The following ETFDH variants were observed in gnomAD, a reference collection of about 807,000 sequenced individuals.
The protein encoded by ETFDH is electron transfer flavoprotein dehydrogenase, also known as electron transfer flavoprotein-ubiquinone oxidoreductase, mitochondrial.
Under a neutral mutation model 73.2 loss-of-function variants are expected in ETFDH, and 61 were observed. The ratio of observed to expected loss-of-function variants is 0.83; its 90% CI spans 0.68 to 1.03. The LOEUF (loss-of-function observed/expected upper bound fraction) is 1.03, where lower values mean the gene tolerates loss of function less well. Ranked by LOEUF, ETFDH falls within the 50% of genes least tolerant of loss-of-function variation. The pLI is 0.00. For missense variants in ETFDH, 685 were observed against 745.0 expected, an observed-to-expected ratio of 0.92 and a Z score of 0.94; for synonymous variants, 243 against 253.3, an observed-to-expected ratio of 0.96 and a Z score of 0.39.
In ETFDH at chr4:158,682,193, A is replaced by T. The variant is rs1485038306; in HGVS notation, c.176-2A>T. 8 of 1,613,722 alleles carry T rather than the reference A, an allele frequency of 5.0e-6. No homozygotes were observed. Among genetic ancestry groups the T allele is most frequent in the South Asian group, 1.1e-5 (1 of 91,088 alleles). On this transcript the variant is annotated splice_acceptor_variant, in intron 2 of 12. Coordinates refer to ENST00000511912, the MANE Select transcript of ETFDH (RefSeq NM_004453.4). LOFTEE classifies it high-confidence loss of function. ...TAATCCCAGAATTTTTATTTCTCCC[A>T]GGAGTGAACATGGAAAGGTTTGCAG...
At chr4:158,675,788 CAGCT>C (rs1307272245) in intron 1 of ETFDH, among the ~76,000 whole-genome samples, 1 of 148,980 alleles carries the variant, frequency 6.7e-6, no homozygotes, top group African/African-American at 2.5e-5. Context: ...AAAAAAAAGT[CAGCT>C]AGGAACATTC....
intron 6 of ETFDH, among the ~76,000 whole-genome samples, chr4:158,693,262 G>C (rs1774224745): frequency 6.6e-6 from 1 of 152,156 alleles, no homozygotes; most frequent in Non-Finnish European, 1.5e-5. Context: ...GTTGGATTAT[G>C]TTTTCCTTCT....
rs1561252743 is a variant in ETFDH, at chr4:158,708,446, A to G, written c.1773A>G (p.Thr591=). The change falls in exon 13 of 13, where the codon ACA becomes ACG. Residue 591 remains threonine (T), a synonymous_variant. Transcript: ENST00000511912. ...INAQNCVHCK[T]CDIKDPSQNI... The stretch of plus-strand genomic sequence containing the variant: ...CTCAGAACTGTGTACATTGTAAAAC[A>G]TGTGATATTAAAGATCCAAGTCAGA... 3 of 1,611,646 alleles carry G rather than the reference A, an allele frequency of 1.9e-6. No homozygotes were observed. The highest frequency in any genetic ancestry group is 2.5e-6 in the Non-Finnish European group (3 of 1,177,728).
chr4:158,684,952 C>T, intron 4 of ETFDH, 149 bp from the exon 5 acceptor site: 2 of 639,418 alleles, frequency 3.1e-6, no homozygotes, highest in African/African-American at 3.7e-5. Context: ...GAACTCTAGA[C>T]CAAAATTGTA....
Position 158,703,502 on chromosome 4 carries a change from G to A in ETFDH, c.1196G>A (p.Gly399Asp). ...TTTATGAATGTTCCCAAGATCAAAG[G>A]TACTCACACAGCAATGAAAAGTGGA... ...PGFMNVPKIK[G>D]THTAMKSGIL... Residue 399 changes from glycine to aspartate, a missense_variant, in exon 10 of 13, where the codon GGT becomes GAT. Gly to Asp is a moderately conservative substitution (Grantham distance 94). This residue lies in a region of ETFDH where 79 missense variants were observed against 120.5 expected (regional missense o/e 0.66). Coordinates refer to ENST00000511912, the MANE Select transcript of ETFDH (RefSeq NM_004453.4). 1 of 1,607,298 alleles carries A rather than the reference G, an allele frequency of 6.2e-7. No homozygotes were observed. Among genetic ancestry groups the A allele is most frequent in the South Asian group, 1.1e-5 (1 of 90,964 alleles).
At chr4:158,686,097 A>C (rs779641740) in intron 5 of ETFDH, among the ~76,000 whole-genome samples, 4 of 152,176 alleles carry the variant, frequency 2.6e-5, no homozygotes, top group African/African-American at 4.8e-5. Context: ...GGAATATCAG[A>C]GAAGAGCCGC....
chr4:158,697,543 C>CTTT lies in ETFDH; in HGVS notation c.832-5_832-3dup. On this transcript the variant is annotated splice_polypyrimidine_tract_variant and intron_variant, in intron 7 of 12. Transcript: ENST00000511912. Reference sequence around the variant, plus strand: ...AAATACTGCAGGACTTTTTTGTTTGCTTTTTTTTTTTTTAGTTATGGGTTA... The same window carrying CTTT: ...AAATACTGCAGGACTTTTTTGTTTGCTTTTTTTTTTTTTTTTAGTTATGGGTTA... 1.5e-6 allele frequency: 2 copies of CTTT among 1,361,536 alleles called. No individual in the cohort carries two copies. The highest frequency in any genetic ancestry group is 2.0e-6 in the Non-Finnish European group (2 of 984,414). 84.3% of individuals were successfully genotyped at this position (1,361,536 alleles called of 1,614,324 possible).
intron 1 of ETFDH, among the ~76,000 whole-genome samples, chr4:158,673,920 A>G (rs562737003): frequency 2.0e-4 from 31 of 152,342 alleles, no homozygotes; most frequent in Admixed American, 1.8e-3. Flanking sequence ...TCTCTTCTCA[A>G]CCACGGAGAC....
At chr4:158,683,506 G>C (rs1030855323) in intron 3 of ETFDH, among the ~76,000 whole-genome samples, 1 of 152,104 alleles carries the variant, frequency 6.6e-6, no homozygotes, top group Non-Finnish European at 1.5e-5. Context: ...TATCAGAAAT[G>C]GATATTATTG....
chr4:158,701,507 C>T (rs1247164689), intron 9 of ETFDH, among the ~76,000 whole-genome samples: 1 of 152,218 alleles, frequency 6.6e-6, no homozygotes, highest in Non-Finnish European at 1.5e-5. Flanking sequence ...GGGCCCTGAT[C>T]CTTCTCTCTT....
intron 12 of ETFDH, among the ~76,000 whole-genome samples, chr4:158,707,996 AATG>A (rs1343811576): frequency 6.6e-6 from 1 of 152,198 alleles, no homozygotes; most frequent in Admixed American, 6.5e-5. Context: ...TCTGACTGAC[AATG>A]TAAGTTGAGT....
At chr4:158,692,886 A>ATAT (rs928714324) in intron 6 of ETFDH, among the ~76,000 whole-genome samples, 977 of 88,062 alleles carry the variant, frequency 0.011, 14 homozygotes, top group African/African-American at 0.03. Context: ...TAAAAAAAAA[A>ATAT]AAACATATAT....
intron 2 of ETFDH, chr4:158,681,942 T>C: frequency 2.0e-6 from 1 of 500,378 alleles, no homozygotes; most frequent in Non-Finnish European, 3.6e-6. Context: ...AAGTAAATAT[T>C]TGCTAAATGT....
chr4:158,672,368 GC>G lies in ETFDH; in HGVS notation c.-83del. On this transcript the variant is annotated 5_prime_UTR_variant, in exon 1 of 13. An upstream open reading frame in the 5' UTR loses its in-frame stop. Transcript: ENST00000511912. ...TTCTTGCTTTCCGGCAGGTGATGGCGCCCCCCGCGGCCTAGAGGTCCAGCGC... is the reference window on the plus strand; with the variant it reads ...TTCTTGCTTTCCGGCAGGTGATGGCGCCCCCGCGGCCTAGAGGTCCAGCGC... The G allele has an allele frequency of 3.7e-6, 5 of 1,367,006 alleles. No homozygotes were observed. Among genetic ancestry groups the G allele is most frequent in the Non-Finnish European group, 5.2e-6 (5 of 955,658 alleles). 84.7% of individuals were successfully genotyped at this position (1,367,006 alleles called of 1,614,324 possible).
At chr4:158,693,159 T>C (rs1426129414) in intron 6 of ETFDH, among the ~76,000 whole-genome samples, 1 of 152,204 alleles carries the variant, frequency 6.6e-6, no homozygotes, top group Non-Finnish European at 1.5e-5. Context: ...GAAACAGCTC[T>C]TGTTAGAGTC....
At position 158,708,640 on chromosome 4, in the gene ETFDH, G is replaced by T. The variant is rs984196290; in HGVS notation, c.*113G>T. On this transcript the variant is annotated 3_prime_UTR_variant, in exon 13 of 13. Transcript: ENST00000511912. ...TTACTGAACAGAATAGTCACAAAAT[G>T]ATTATCAAATAAAAATTTTATACTA... 4 of 888,982 alleles carry T rather than the reference G, an allele frequency of 4.5e-6. No individual in the cohort carries two copies. Among genetic ancestry groups the T allele is most frequent in the East Asian group, 5.3e-5 (2 of 37,996 alleles). The allele number at this position is 888,982 out of a possible 1,614,324, so 55.1% of individuals were successfully genotyped here.
intron 6 of ETFDH, among the ~76,000 whole-genome samples, chr4:158,695,234 T>C (rs1189777475): frequency 6.6e-6 from 1 of 152,212 alleles, no homozygotes; most frequent in Non-Finnish European, 1.5e-5. Context: ...ATCCTGTCTC[T>C]CTACATGGAC....
chr4:158,692,654 CTAAT>C (rs1238276005), intron 6 of ETFDH, among the ~76,000 whole-genome samples: 1 of 151,012 alleles, frequency 6.6e-6, no homozygotes, highest in African/African-American at 2.4e-5. Flanking sequence ...TATATTATGA[CTAAT>C]TATAAATTAT....
chr4:158,693,603 G>A (rs980890762), intron 6 of ETFDH, among the ~76,000 whole-genome samples: 3 of 152,092 alleles, frequency 2.0e-5, no homozygotes, highest in African/African-American at 4.8e-5. Context: ...GTTGGACCCC[G>A]GTTTGCTGGT....
Sources: gnomAD v4.1 joint callset for allele counts (sites outside exome capture counted in the v4.1 genomes callset) on GRCh38, gnomAD v4.1.1 for gene constraint, gnomAD v4.1.1 regional missense constraint, MANE v1.5 for transcripts, NCBI Gene and HGNC (gene_info 2026-07-23, HGNC 2026-07-21) for gene names.